The following ATP9B variants were observed in gnomAD, a reference collection of about 807,000 sequenced individuals.
ATP9B encodes ATPase phospholipid transporting 9B.
A neutral mutation model predicts 146.1 loss-of-function variants in ATP9B; 110 were observed. That is an observed-to-expected ratio of 0.75 (90% confidence interval 0.65 to 0.88). The LOEUF (loss-of-function observed/expected upper bound fraction) is 0.88, where lower values mean the gene tolerates loss of function less well. Ranked by LOEUF, ATP9B falls within the 40% of genes least tolerant of loss-of-function variation. The pLI is 0.00. For missense variants in ATP9B, 1,499 were observed against 1,496.4 expected (o/e 1.00, Z -0.03); for synonymous variants, 604 against 569.7 (o/e 1.06, Z -0.86).
Position 79,336,654 on chromosome 18 carries a change from G to A in ATP9B, c.2055G>A (p.Leu685=), listed in dbSNP as rs779740942. Residue 685 remains leucine, a synonymous_variant, in exon 18 of 30, where the codon CTG becomes CTA. Transcript: ENST00000426216. ...EECGNMAREG[L]RTLVVAKKAL... Reference sequence around the variant, plus strand: ...GCGGAAACATGGCTCGCGAAGGACTGCGGACCCTCGTGGTTGCAAAGAAGG... The same window carrying A: ...GCGGAAACATGGCTCGCGAAGGACTACGGACCCTCGTGGTTGCAAAGAAGG... The A allele has an allele frequency of 6.2e-7, 1 of 1,611,796 alleles. No individual in the cohort carries two copies. The highest frequency in any genetic ancestry group is 1.7e-5 in the Admixed American group (1 of 59,888).
chr18:79,373,254 A>G (rs973925658), intron 27 of ATP9B, among the ~76,000 whole-genome samples: 5 of 151,820 alleles, frequency 3.3e-5, no homozygotes, highest in Middle Eastern at 3.4e-3. Context: ...TGTTCAGATA[A>G]ATGGGAGATT....
At chr18:79,229,392 T>A (rs1343635694) in intron 11 of ATP9B, among the ~76,000 whole-genome samples, 2 of 152,086 alleles carry the variant, frequency 1.3e-5, no homozygotes, top group East Asian at 1.9e-4. Context: ...AGTCAATAAT[T>A]TGTTTTGTTA....
intron 13 of ATP9B, among the ~76,000 whole-genome samples, chr18:79,279,103 G>A (rs1169124298): frequency 6.6e-6 from 1 of 152,224 alleles, no homozygotes; most frequent in African/African-American, 2.4e-5. Context: ...TCAGGCCACC[G>A]TGAGCGGCGC....
At chr18:79,275,416 T>A (rs967449218) in intron 12 of ATP9B, among the ~76,000 whole-genome samples, 5 of 152,252 alleles carry the variant, frequency 3.3e-5, no homozygotes, top group Non-Finnish European at 7.3e-5. Context: ...CTTTTCCTTC[T>A]TCAAACCTCC....
chr18:79,165,026 A>C (rs2094944056), intron 7 of ATP9B, among the ~76,000 whole-genome samples: 1 of 152,194 alleles, frequency 6.6e-6, no homozygotes, highest in South Asian at 2.1e-4. Context: ...AATCTACTTT[A>C]ATGATTTCTC....
At chr18:79,217,754 CTGACGG>C (rs1231668903) in intron 11 of ATP9B, among the ~76,000 whole-genome samples, 3 of 152,202 alleles carry the variant, frequency 2.0e-5, no homozygotes, top group Non-Finnish European at 4.4e-5. Flanking sequence ...AGACTGTTTT[CTGACGG>C]TGACATCACA....
rs139913981 is a variant in ATP9B, at chr18:79,169,461, G to T, written c.779-7352G>T. Among the ~76,000 whole-genome samples the T allele has an allele frequency of 7.2e-5, 11 of 152,284 alleles. No individual in the cohort carries two copies. In the East Asian group the frequency reaches 1.7e-3, roughly 24 times the overall value. On this transcript the variant is annotated intron_variant, in intron 7 of 29. Transcript: ENST00000426216. ...GTCACCTGTGTTGAGGAAGAGCCTG[G>T]CTGGACTGTGTGAAAGCCGTGAGTC...
intron 15 of ATP9B, among the ~76,000 whole-genome samples, chr18:79,325,281 CTT>C (rs1219461654): frequency 2.0e-5 from 3 of 152,124 alleles, no homozygotes; most frequent in Non-Finnish European, 2.9e-5. Flanking sequence ...TCTCCCATCT[CTT>C]ATGCCTTTTC....
intron 7 of ATP9B, among the ~76,000 whole-genome samples, chr18:79,161,601 C>T (rs1368537092): frequency 6.6e-6 from 1 of 152,182 alleles, no homozygotes; most frequent in Non-Finnish European, 1.5e-5. Context: ...GTAATCCCAG[C>T]ACTTTGGGAG....
intron 8 of ATP9B, among the ~76,000 whole-genome samples, chr18:79,192,928 G>T (rs1006395436): frequency 6.6e-6 from 1 of 152,264 alleles, no homozygotes; most frequent in East Asian, 1.9e-4. Flanking sequence ...AGGCCCCGGG[G>T]CTGCCTGTTT....
intron 15 of ATP9B, among the ~76,000 whole-genome samples, chr18:79,308,834 A>C (rs1235482507): frequency 5.6e-5 from 7 of 125,890 alleles, no homozygotes; most frequent in African/African-American, 2.4e-4. Context: ...AGTGATCCCC[A>C]GCAGGTAGAA....
In ATP9B at chr18:79,238,637, G is replaced by C. The variant is rs572713160; in HGVS notation, c.1108-14744G>C. ...TCGCCATGGTGGGCCCTGCTGTCTC[G>C]GCAGCTGTGGACACAGCCTGTGGCG... On this transcript the variant is annotated intron_variant, in intron 11 of 29. Transcript: ENST00000426216. 1.8e-4 allele frequency among the ~76,000 whole-genome samples: 28 copies of C among 152,240 alleles called. No individual in the cohort carries two copies. The East Asian group carries it at 4.8e-3, about 26-fold the overall frequency.
chr18:79,178,512 A>G (rs1320861081), intron 8 of ATP9B, among the ~76,000 whole-genome samples: 1 of 152,130 alleles, frequency 6.6e-6, no homozygotes, highest in Non-Finnish European at 1.5e-5. Flanking sequence ...CAGCTTGTTC[A>G]GGGAGTCTCT....
At chr18:79,084,387 A>G (rs1266226480) in intron 1 of ATP9B, among the ~76,000 whole-genome samples, 1 of 152,114 alleles carries the variant, frequency 6.6e-6, no homozygotes, top group Non-Finnish European at 1.5e-5. Flanking sequence ...CTTAAAATTT[A>G]CCATTTTAAC....
intron 28 of ATP9B, 73 bp from the exon 29 acceptor site, chr18:79,375,321 T>G: frequency 7.4e-7 from 1 of 1,343,368 alleles, no homozygotes; most frequent in South Asian, 1.3e-5. Flanking sequence ...CTTATTCTTT[T>G]GCTAACCCCT....
chr18:79,194,653 T>G (rs989634158), intron 9 of ATP9B: 2 of 152,262 alleles, frequency 1.3e-5, no homozygotes, highest in African/African-American at 4.8e-5. Flanking sequence ...GGTGGCCACT[T>G]AACTTTGTTA....
At chr18:79,339,749 T>C (rs890366161) in intron 19 of ATP9B, among the ~76,000 whole-genome samples, 1 of 151,638 alleles carries the variant, frequency 6.6e-6, no homozygotes, top group Non-Finnish European at 1.5e-5. Context: ...AAGTGTGTCA[T>C]GAGGCTGTAT....
Position 79,344,333 on chromosome 18 carries a change from C to T in ATP9B, c.2451C>T (p.Val817=). The T allele has an allele frequency of 1.2e-6, 2 of 1,614,174 alleles. No homozygotes were observed. The highest frequency in any genetic ancestry group is 1.7e-6 in the Non-Finnish European group (2 of 1,180,026). The change falls in exon 21 of 30, where the codon GTC becomes GTT. Residue 817 remains valine (V), a synonymous_variant. Coordinates refer to ENST00000426216, the MANE Select transcript of ATP9B (RefSeq NM_198531.5). ...GAAGGAAGCATGATTGTGCACTAGTCATATCTGGGGACTCTCTGGAGGTAA... is the reference window on the plus strand; with the variant it reads ...GAAGGAAGCATGATTGTGCACTAGTTATATCTGGGGACTCTCTGGAGGTAA... ...AFRRKHDCAL[V]ISGDSLEVCL...
chr18:79,308,692 C>T lies in ATP9B; in HGVS notation c.1773+1458C>T, dbSNP rs374038930. ...TCAGGGGTGGTGGAGTGATCCCCAG[C>T]AGGTAGAAGGTCAGGGGTGGTGGAG... is the stretch of plus-strand genomic sequence containing the variant. On this transcript the variant is annotated intron_variant, in intron 15 of 29. Transcript: ENST00000426216. Among the ~76,000 whole-genome samples the T allele has an allele frequency of 7.3e-3, 445 of 61,352 alleles. 5 individuals carry two copies. The highest frequency in any genetic ancestry group is 2.7e-3 in the Non-Finnish European group (81 of 29,526). 40.2% of individuals were successfully genotyped at this position (61,352 alleles called of 152,430 possible).
Sources: allele counts gnomAD v4.1 joint callset (sites outside exome capture counted in the v4.1 genomes callset), GRCh38; gene constraint gnomAD v4.1.1; transcripts MANE v1.5; gene names NCBI Gene and HGNC (gene_info 2026-07-23, HGNC 2026-07-21).